Variants in GRIK2 observed in about 807,000 individuals in gnomAD.
The protein encoded by GRIK2 is glutamate receptor ionotropic, kainate 2.
Under a neutral mutation model 100.3 loss-of-function variants are expected in GRIK2, and 32 were observed. The ratio of observed to expected loss-of-function variants is 0.32; its 90% CI spans 0.24 to 0.43. The LOEUF (loss-of-function observed/expected upper bound fraction) is 0.43, where lower values mean the gene tolerates loss of function less well. Ranked by LOEUF, GRIK2 falls within the 20% of genes least tolerant of loss-of-function variation. The pLI is 1.00. For synonymous variants in GRIK2, 417 were observed against 389.4 expected, an observed-to-expected ratio of 1.07 and a Z score of -0.83; for missense variants, 843 against 1,114.9, an observed-to-expected ratio of 0.76 and a Z score of 3.47.
intron 11 of GRIK2, among the ~76,000 whole-genome samples, chr6:101,865,989 T>C (rs751191988): frequency 1.3e-5 from 2 of 151,856 alleles, no homozygotes; most frequent in Non-Finnish European, 2.9e-5. Context: ...AACACTATTA[T>C]TATTGTATTT....
chr6:101,886,994 T>A (rs1786690469), intron 11 of GRIK2, among the ~76,000 whole-genome samples: 1 of 151,084 alleles, frequency 6.6e-6, no homozygotes, highest in Non-Finnish European at 1.5e-5. Flanking sequence ...CCTGGGTATT[T>A]TTTTTTTTGT....
intron 2 of GRIK2, among the ~76,000 whole-genome samples, chr6:101,491,121 A>G (rs1214382709): frequency 8.6e-6 from 1 of 116,758 alleles, no homozygotes; most frequent in Admixed American, 8.1e-5. Context: ...TAGCAAGGCA[A>G]AAGTTGAATG....
chr6:101,558,248 T>A (rs1470395515), intron 2 of GRIK2, among the ~76,000 whole-genome samples: 5 of 151,916 alleles, frequency 3.3e-5, no homozygotes, highest in Admixed American at 2.0e-4. Flanking sequence ...CTTTAGGTGT[T>A]GACTAGGTGG....
chr6:101,852,489 A>C (rs752604813), intron 10 of GRIK2, among the ~76,000 whole-genome samples: 1 of 152,128 alleles, frequency 6.6e-6, no homozygotes, highest in Non-Finnish European at 1.5e-5. Flanking sequence ...CCGGTTGACC[A>C]GAACAATTCG....
chr6:101,922,141 C>CTCCGTTCCT, intron 12 of GRIK2, among the ~76,000 whole-genome samples: 1 of 56,512 alleles, frequency 1.8e-5, no homozygotes, highest in South Asian at 6.9e-4. Context: ...CCTTCCTTCC[C>CTCCGTTCCT]TCCCTTCCTC....
intron 2 of GRIK2, among the ~76,000 whole-genome samples, chr6:101,613,999 C>A (rs1383672352): frequency 6.6e-6 from 1 of 151,556 alleles, no homozygotes; most frequent in Non-Finnish European, 1.5e-5. Flanking sequence ...TGTGCTGGAG[C>A]TCTCCAGAGA....
chr6:101,464,078 A>G (rs1252900883), intron 2 of GRIK2, among the ~76,000 whole-genome samples: 1 of 152,158 alleles, frequency 6.6e-6, no homozygotes, highest in Non-Finnish European at 1.5e-5. Flanking sequence ...AATACCCTCT[A>G]TTTTTGCTGC....
At chr6:101,725,518 A>G (rs1053710624) in intron 7 of GRIK2, among the ~76,000 whole-genome samples, 1 of 152,024 alleles carries the variant, frequency 6.6e-6, no homozygotes, top group Non-Finnish European at 1.5e-5. Flanking sequence ...GGGACAATAG[A>G]CACATTGATT....
intron 7 of GRIK2, among the ~76,000 whole-genome samples, chr6:101,760,646 ATAATTATATGTT>A (rs1442415062): frequency 2.5e-5 from 2 of 78,786 alleles, no homozygotes; most frequent in Non-Finnish European, 4.1e-5. Flanking sequence ...ATAATTATAT[ATAATTATATGTT>A]TAATTATATA....
At chr6:101,744,558 A>ATATATATCTATC (rs751011648) in intron 7 of GRIK2, 16 of 115,022 alleles carry the variant, frequency 1.4e-4, no homozygotes, top group African/African-American at 5.2e-4. Flanking sequence ...ATATATATAT[A>ATATATATCTATC]TCACAATTTC....
intron 11 of GRIK2, among the ~76,000 whole-genome samples, chr6:101,884,326 A>G (rs1447563478): frequency 1.3e-5 from 2 of 152,202 alleles, no homozygotes; most frequent in Non-Finnish European, 1.5e-5. Context: ...TAACAACATC[A>G]TGGAAAAGAA....
At chr6:101,755,577 T>A (rs1391936008) in intron 7 of GRIK2, among the ~76,000 whole-genome samples, 3 of 152,156 alleles carry the variant, frequency 2.0e-5, no homozygotes, top group Non-Finnish European at 4.4e-5. Flanking sequence ...CATGGAGATA[T>A]AATGGGAGAA....
chr6:101,811,282 A>G (rs973970509), intron 9 of GRIK2, among the ~76,000 whole-genome samples: 4 of 152,084 alleles, frequency 2.6e-5, no homozygotes, highest in Admixed American at 2.6e-4. Context: ...TATGGCTTAT[A>G]TTCTTTATTC....
intron 2 of GRIK2, among the ~76,000 whole-genome samples, chr6:101,445,099 A>C (rs567865745): frequency 6.6e-6 from 1 of 152,050 alleles, no homozygotes; most frequent in Non-Finnish European, 1.5e-5. Flanking sequence ...ACTGAGAGGC[A>C]GGCTCAGAAT....
At chr6:101,886,111 A>C (rs1786594406) in intron 11 of GRIK2, among the ~76,000 whole-genome samples, 1 of 152,090 alleles carries the variant, frequency 6.6e-6, no homozygotes, top group Admixed American at 6.6e-5. Flanking sequence ...CTGATCTTTT[A>C]CTGTCTCTAT....
At chr6:101,471,243 C>G (rs1438027501) in intron 2 of GRIK2, among the ~76,000 whole-genome samples, 1 of 152,028 alleles carries the variant, frequency 6.6e-6, no homozygotes, top group African/African-American at 2.4e-5. Flanking sequence ...GTAGCCCTAT[C>G]TATAACGCTT....
chr6:102,010,680 G>C (rs1258817315), intron 14 of GRIK2, among the ~76,000 whole-genome samples: 1 of 150,854 alleles, frequency 6.6e-6, no homozygotes, highest in Non-Finnish European at 1.5e-5. Flanking sequence ...ACTGCACCGG[G>C]CCCCCTCCCT....
chr6:101,561,172 G>C (rs9386284), intron 2 of GRIK2, among the ~76,000 whole-genome samples: 39,087 of 152,058 alleles, frequency 0.26, 7,320 homozygotes, highest in African/African-American at 0.52. Flanking sequence ...TTTGATGTTT[G>C]AGATAACTTG....
At chr6:101,531,617 G>C (rs1052494668) in intron 2 of GRIK2, among the ~76,000 whole-genome samples, 1 of 151,754 alleles carries the variant, frequency 6.6e-6, no homozygotes, top group African/African-American at 2.4e-5. Flanking sequence ...TGAAAGGGCA[G>C]TCTCTTTTTT....
Sources: gnomAD v4.1 joint callset for allele counts (sites outside exome capture counted in the v4.1 genomes callset) on GRCh38, gnomAD v4.1.1 for gene constraint, MANE v1.5 for transcripts, NCBI Gene and HGNC (gene_info 2026-07-23, HGNC 2026-07-21) for gene names.